PNISR: variants seen among roughly 807,000 people sequenced by gnomAD.
The protein encoded by PNISR is arginine/serine-rich protein PNISR.
A neutral mutation model predicts 93.4 loss-of-function variants in PNISR; 20 were observed. The observed-to-expected ratio is 0.21, with a 90% CI of 0.15 to 0.31. PNISR has a LOEUF of 0.31. PNISR is among the 10% of genes least tolerant of loss of function. The pLI is 1.00. For synonymous variants in PNISR, 305 were observed against 306.5 expected (o/e 0.99, Z 0.05); for missense variants, 893 against 985.4 (o/e 0.91, Z 1.25).
At position 99,410,933 on chromosome 6, in the gene PNISR, G is replaced by A. The variant is rs553699408; in HGVS notation, c.309C>T (p.Pro103=). The A allele has an allele frequency of 5.0e-6, 8 of 1,613,818 alleles. No individual in the cohort carries two copies. Among genetic ancestry groups the A allele is most frequent in the African/African-American group, 1.3e-5 (1 of 74,906 alleles). ...GTGGCATCCATGGCTGATCTGGAGG[G>A]GGGTGTGGGGGTTGCTGATGCATTC... is the stretch of plus-strand genomic sequence containing the variant. ...EWGMHQQPPH[P]PPDQPWMPPT... is the part of the protein sequence containing the mutation. Residue 103 remains proline, a synonymous_variant, in exon 5 of 12, where the codon CCC becomes CCT. Transcript: ENST00000369239.
At chr6:99,418,183 G>A (rs375514460) in intron 1 of PNISR, among the ~76,000 whole-genome samples, 1 of 151,596 alleles carries the variant, frequency 6.6e-6, no homozygotes, top group East Asian at 1.9e-4. Context: ...TGTCGCCCAG[G>A]CTGGAGTGCA....
chr6:99,412,105 G>C, intron 4 of PNISR: 1 of 294,402 alleles, frequency 3.4e-6, no homozygotes, highest in Non-Finnish European at 6.9e-6. Flanking sequence ...AAAAAAAAAG[G>C]GAAGAAAAAG....
chr6:99,408,869 A>AT (rs1776485412), intron 6 of PNISR, among the ~76,000 whole-genome samples: 1 of 152,242 alleles, frequency 6.6e-6, no homozygotes, highest in East Asian at 1.9e-4. Flanking sequence ...AAGGGCTCAT[A>AT]TATCTGTATA....
chr6:99,407,135 C>CA (rs1343785645), intron 7 of PNISR, among the ~76,000 whole-genome samples: 1 of 152,038 alleles, frequency 6.6e-6, no homozygotes, highest in Non-Finnish European at 1.5e-5. Flanking sequence ...GCCTGGGCAA[C>CA]ACGGTGAAAC....
intron 10 of PNISR, 109 bp from the exon 11 acceptor site, chr6:99,402,819 G>A: frequency 1.3e-6 from 1 of 779,844 alleles, no homozygotes; most frequent in South Asian, 2.7e-5. Context: ...CCTTTTCCCA[G>A]AAGAATACGC....
At chr6:99,411,258 G>C (rs972442806) in intron 4 of PNISR, among the ~76,000 whole-genome samples, 1 of 152,064 alleles carries the variant, frequency 6.6e-6, no homozygotes, top group African/African-American at 2.4e-5. Flanking sequence ...TTTTATATTT[G>C]TTTAGTAACA....
chr6:99,410,968 T>A lies in PNISR; in HGVS notation c.278-4A>T. 1 of 1,606,114 alleles carries A rather than the reference T, an allele frequency of 6.2e-7. No homozygotes were observed. Reference sequence around the variant, plus strand: ...GGTTGCTGATGCATTCCCCATTCTATTTAAGATTTAGGCATAAAAACATTC... The same window carrying A: ...GGTTGCTGATGCATTCCCCATTCTAATTAAGATTTAGGCATAAAAACATTC... On this transcript the variant is annotated splice_region_variant and splice_polypyrimidine_tract_variant and intron_variant, in intron 4 of 11. Coordinates refer to ENST00000369239, the MANE Select transcript of PNISR (RefSeq NM_032870.4).
chr6:99,418,753 A>G (rs949030804), intron 1 of PNISR, among the ~76,000 whole-genome samples: 3 of 152,238 alleles, frequency 2.0e-5, no homozygotes, highest in African/African-American at 4.8e-5. Flanking sequence ...TATTTATTAA[A>G]GCGCTTTAAT....
At position 99,414,905 on chromosome 6, in the gene PNISR, C is replaced by T. The variant is rs1777470734; in HGVS notation, c.-31-215G>A. The T allele has an allele frequency of 1.3e-5, 4 of 297,486 alleles. No individual in the cohort carries two copies. The Admixed American group carries it at 2.0e-4, about 15-fold the overall frequency. The allele number at this position is 297,486 out of a possible 1,614,324, so 18.4% of individuals were successfully genotyped here. ...TCAGAATTTGGTGGCAAGCATAACA[C>T]AATGAATTTAGCTCAAAAAAGACTT... On this transcript the variant is annotated intron_variant, in intron 2 of 11. Transcript: ENST00000369239.
At chr6:99,418,911 G>A (rs1562260787) in intron 1 of PNISR, among the ~76,000 whole-genome samples, 1 of 152,064 alleles carries the variant, frequency 6.6e-6, no homozygotes, top group Non-Finnish European at 1.5e-5. Flanking sequence ...CACTTTGGGA[G>A]GCTGAGGCAG....
At position 99,401,098 on chromosome 6, in the gene PNISR, TCTA is replaced by T; in HGVS notation, c.1857_1859del (p.Ser619del). 6.2e-7 allele frequency: 1 copy of T among 1,613,856 alleles called. No individual in the cohort carries two copies. Among genetic ancestry groups the T allele is most frequent in the Non-Finnish European group, 8.5e-7 (1 of 1,180,004 alleles). ...TGGTTCGTCTATCCCTTGAGCGACT[TCTA>T]CTTCTACGTCTCTCTCGGGAAGGAC... On this transcript the variant is annotated inframe_deletion, in exon 12 of 12. Coordinates refer to ENST00000369239, the MANE Select transcript of PNISR (RefSeq NM_032870.4).
intron 1 of PNISR, among the ~76,000 whole-genome samples, chr6:99,419,164 AAAAAAAAAAAAAAAAAAAAAAAAAAAG>A (rs1778179516): frequency 9.5e-6 from 1 of 104,832 alleles, no homozygotes; most frequent in African/African-American, 3.9e-5. Flanking sequence ...AAAAAAAAAA[AAAAAAAAAAAAAAAAAAAAAAAAAAAG>A]GGCAATTTAC....
chr6:99,406,256 TAA>T, intron 7 of PNISR, 88 bp from the exon 8 acceptor site: 1 of 726,544 alleles, frequency 1.4e-6, no homozygotes. Context: ...AACCCCAAAT[TAA>T]AAAGTCTATG....
In PNISR at chr6:99,399,027, G is replaced by A. The variant is rs183444963; in HGVS notation, c.*1513C>T. 6 of 152,112 alleles carry A rather than the reference G, an allele frequency of 3.9e-5. No homozygotes were observed. Among genetic ancestry groups the A allele is most frequent in the Non-Finnish European group, 4.4e-5 (3 of 67,930 alleles). 9.4% of individuals were successfully genotyped at this position (152,112 alleles called of 1,614,324 possible). ...TCAAAATTATATAATAATCTATGTAGAGGTACAAGAGCACACTATACAAAT... is the reference window on the plus strand; with the variant it reads ...TCAAAATTATATAATAATCTATGTAAAGGTACAAGAGCACACTATACAAAT... On this transcript the variant is annotated 3_prime_UTR_variant, in exon 12 of 12. Coordinates refer to ENST00000369239, the MANE Select transcript of PNISR (RefSeq NM_032870.4).
intron 3 of PNISR, among the ~76,000 whole-genome samples, chr6:99,413,443 CATG>C (rs1459657955): frequency 1.3e-5 from 2 of 151,340 alleles, no homozygotes; most frequent in East Asian, 3.9e-4. Flanking sequence ...TCCATTCATC[CATG>C]ATCCATCCAT....
intron 9 of PNISR, 48 bp downstream of exon 9, chr6:99,404,555 G>T: frequency 1.0e-6 from 1 of 985,318 alleles, no homozygotes; most frequent in Non-Finnish European, 1.7e-6. Flanking sequence ...ATAGTCATCA[G>T]AACCAAAATA....
chr6:99,419,583 T>A (rs1778271621), intron 1 of PNISR, among the ~76,000 whole-genome samples: 1 of 152,244 alleles, frequency 6.6e-6, no homozygotes, highest in Non-Finnish European at 1.5e-5. Flanking sequence ...CAAAATTTAC[T>A]CTAAATCCTA....
At chr6:99,421,700 GAATA>G (rs1778578706) in intron 1 of PNISR, among the ~76,000 whole-genome samples, 1 of 152,144 alleles carries the variant, frequency 6.6e-6, no homozygotes. Context: ...AACTGTGGAA[GAATA>G]AATTTCTGTT....
chr6:99,420,463 ATTGT>A (rs1484086276), intron 1 of PNISR, among the ~76,000 whole-genome samples: 1 of 152,234 alleles, frequency 6.6e-6, no homozygotes, highest in Non-Finnish European at 1.5e-5. Flanking sequence ...TTCATTAACT[ATTGT>A]TTAATTAAAC....
Sources: gnomAD v4.1 joint callset for allele counts (sites outside exome capture counted in the v4.1 genomes callset) on GRCh38, gnomAD v4.1.1 for gene constraint, MANE v1.5 for transcripts, NCBI Gene and HGNC (gene_info 2026-07-23, HGNC 2026-07-21) for gene names.